The following MED12L variants were observed in gnomAD, a reference collection of about 807,000 sequenced individuals.
The protein encoded by MED12L is mediator complex subunit 12L.
In MED12L, 60 loss-of-function variants were observed where a neutral mutation model predicts 281.3. The ratio of observed to expected loss-of-function variants is 0.21; its 90% CI spans 0.17 to 0.26. The LOEUF (loss-of-function observed/expected upper bound fraction) is 0.26. Ranked by LOEUF, MED12L falls within the 10% of genes least tolerant of loss-of-function variation. The pLI, the probability that MED12L is intolerant of heterozygous loss-of-function variation, is 1.00. For missense variants in MED12L, 2,146 were observed against 2,680.9 expected, an observed-to-expected ratio of 0.80 and a Z score of 4.41; for synonymous variants, 974 against 987.2, an observed-to-expected ratio of 0.99 and a Z score of 0.25.
chr3:151,197,241 G>A (rs578146405), intron 16 of MED12L, among the ~76,000 whole-genome samples: 103 of 152,230 alleles, frequency 6.8e-4, no homozygotes, highest in Non-Finnish European at 1.1e-3. Flanking sequence ...TCAGCTCACT[G>A]CAACCTCTGC....
chr3:151,434,268 T>C lies in MED12L; in HGVS notation c.*1464T>C, dbSNP rs1166517250. ...GTACAACTTTAGTAGACATTTTCTT[T>C]TGCAAATCATTATCTATAAATAATT... is the stretch of plus-strand genomic sequence containing the variant. On this transcript the variant is annotated 3_prime_UTR_variant, in exon 45 of 45. Coordinates refer to ENST00000687756, the MANE Select transcript of MED12L (RefSeq NM_001393769.1). The C allele has an allele frequency of 6.6e-6, 1 of 152,228 alleles. No individual in the cohort carries two copies. The highest frequency in any genetic ancestry group is 2.4e-5 in the African/African-American group (1 of 41,458). 9.4% of individuals were successfully genotyped at this position (152,228 alleles called of 1,614,324 possible). A position where few individuals can be genotyped will look rare whatever the true frequency, so the allele number is the denominator to read the frequency against.
chr3:151,222,903 A>G (rs1044261383), intron 16 of MED12L, among the ~76,000 whole-genome samples: 2 of 152,246 alleles, frequency 1.3e-5, no homozygotes, highest in Non-Finnish European at 2.9e-5. Context: ...TCTTTGCCCA[A>G]GTTTATTCAT....
At chr3:151,332,567 T>C (rs888680488) in intron 16 of MED12L, among the ~76,000 whole-genome samples, 5 of 152,324 alleles carry the variant, frequency 3.3e-5, no homozygotes, top group Admixed American at 6.5e-5. Flanking sequence ...TTCACTGCTA[T>C]TTGGAACATT....
At chr3:151,170,862 G>T (rs933091621) in intron 11 of MED12L, among the ~76,000 whole-genome samples, 1 of 152,130 alleles carries the variant, frequency 6.6e-6, no homozygotes, top group Non-Finnish European at 1.5e-5. Flanking sequence ...GCCTGGAGGT[G>T]GTGGGGGTTG....
In MED12L at chr3:151,384,083, T is replaced by C. The variant is rs1484101893; in HGVS notation, c.4791T>C (p.Asn1597=). The change falls in exon 35 of 45, where the codon AAT becomes AAC. Residue 1597 remains asparagine, a splice_region_variant and synonymous_variant. Transcript: ENST00000687756. ...TGAAAATAATTATTTTCTTTCTTAG[T>C]GAATTATTCACAACAGTTCTTGACA... The part of the protein sequence containing the change: ...TSGTVDMHTN[N]ELFTTVLDML... 1 of 1,609,806 alleles carries C rather than the reference T, an allele frequency of 6.2e-7. No homozygotes were observed. Among genetic ancestry groups the C allele is most frequent in the African/African-American group, 1.3e-5 (1 of 74,784 alleles).
At chr3:151,313,256 A>C (rs1747789033) in intron 16 of MED12L, among the ~76,000 whole-genome samples, 1 of 152,184 alleles carries the variant, frequency 6.6e-6, no homozygotes, top group South Asian at 2.1e-4. Flanking sequence ...AAAACTACCA[A>C]GTTAAAATAG....
chr3:151,102,805 G>A (rs776242472), intron 2 of MED12L, among the ~76,000 whole-genome samples: 4 of 152,138 alleles, frequency 2.6e-5, no homozygotes, highest in Non-Finnish European at 4.4e-5. Flanking sequence ...AATACATTTG[G>A]TGGGGAATCA....
intron 16 of MED12L, among the ~76,000 whole-genome samples, chr3:151,331,514 A>G (rs763402733): frequency 2.9e-4 from 44 of 152,240 alleles, no homozygotes; most frequent in Non-Finnish European, 5.9e-4. Flanking sequence ...ACCAGTGCTT[A>G]GAATAATGTC....
At chr3:151,129,070 G>T (rs1714958125) in intron 5 of MED12L, among the ~76,000 whole-genome samples, 1 of 152,142 alleles carries the variant, frequency 6.6e-6, no homozygotes, top group Non-Finnish European at 1.5e-5. Flanking sequence ...TTAGAGATTG[G>T]GTTTATAAAT....
chr3:151,161,601 C>T (rs182004670), intron 8 of MED12L, among the ~76,000 whole-genome samples: 1 of 152,202 alleles, frequency 6.6e-6, no homozygotes, highest in Admixed American at 6.5e-5. Context: ...GTATGGATAG[C>T]ATTTATTATG....
chr3:151,374,051 G>A (rs998564309), intron 27 of MED12L, among the ~76,000 whole-genome samples: 1 of 152,034 alleles, frequency 6.6e-6, no homozygotes, highest in African/African-American at 2.4e-5. Context: ...ACCCCACAAA[G>A]TTGTTCTGTG....
At position 151,399,026 on chromosome 3, in the gene MED12L, C is replaced by G. The variant is rs145518697; in HGVS notation, c.5820+4159C>G. 3.0e-3 allele frequency among the ~76,000 whole-genome samples: 455 copies of G among 151,598 alleles called. 3 individuals carry two copies. The highest frequency in any genetic ancestry group is 0.011 in the African/African-American group (443 of 41,500). On this transcript the variant is annotated intron_variant, in intron 39 of 44. Transcript: ENST00000687756. ...GTAACTGAAACTGTGGGAAGTGAAA[C>G]CGCAGAGAAGTGGCGACTACTGAAA...
At chr3:151,166,016 T>C in intron 11 of MED12L, 34 bp downstream of exon 11, 1 of 1,560,812 alleles carries the variant, frequency 6.4e-7, no homozygotes, top group South Asian at 1.2e-5. Context: ...TTTCACCTTT[T>C]ATTTTCATAG....
rs763092923 is a variant in MED12L at position 151,369,418 on chromosome 3, G to A, written c.3551-18G>A. The A allele has an allele frequency of 9.1e-6, 14 of 1,531,378 alleles. No individual in the cohort carries two copies. In the South Asian group the frequency reaches 1.4e-4, roughly 15 times the overall value. 94.9% of individuals were successfully genotyped at this position (1,531,378 alleles called of 1,614,324 possible). A position where few individuals can be genotyped will look rare whatever the true frequency, so the allele number is the denominator to read the frequency against. On this transcript the variant is annotated intron_variant, in intron 25 of 44. Coordinates refer to ENST00000687756, the MANE Select transcript of MED12L (RefSeq NM_001393769.1). The stretch of plus-strand genomic sequence containing the variant: ...TAATGATGGTAATGAGACTATTAAA[G>A]ATTTGTTGTTTTTGTAGGCAAACCT...
intron 16 of MED12L, among the ~76,000 whole-genome samples, chr3:151,224,973 C>G (rs1266066444): frequency 6.6e-6 from 1 of 152,166 alleles, no homozygotes; most frequent in Non-Finnish European, 1.5e-5. Flanking sequence ...AAATAACTTA[C>G]AGCGTTTTAC....
At chr3:151,147,862 A>G (rs535445772) in intron 5 of MED12L, among the ~76,000 whole-genome samples, 1 of 152,172 alleles carries the variant, frequency 6.6e-6, no homozygotes, top group Non-Finnish European at 1.5e-5. Flanking sequence ...TTTCTCTTAG[A>G]TATACAGGCT....
chr3:151,101,732 G>T (rs929417744), intron 2 of MED12L, among the ~76,000 whole-genome samples: 1 of 152,134 alleles, frequency 6.6e-6, no homozygotes, highest in African/African-American at 2.4e-5. Flanking sequence ...GTGAGCTCAC[G>T]TGGTTTTGCT....
In MED12L at chr3:151,357,265, G is replaced by T; in HGVS notation, c.2714G>T (p.Ser905Ile). Reference sequence around the variant, plus strand: ...GCTGAACTGCTCCTAAAATCCTCCAGCCTGGCAGGAAGTTATACAACAGGA... The same window carrying T: ...GCTGAACTGCTCCTAAAATCCTCCATCCTGGCAGGAAGTTATACAACAGGA... The part of the protein sequence containing the change: ...VEAELLLKSS[S>I]LAGSYTTGLC... Residue 905 changes from serine (S) to isoleucine (I), a missense_variant, in exon 20 of 45, where the codon AGC becomes ATC. Ser to Ile is a moderately radical substitution (Grantham distance 142). This residue lies in a region of MED12L where 404 missense variants were observed against 603.5 expected (regional missense o/e 0.67). Transcript: ENST00000687756. The T allele has an allele frequency of 6.2e-7, 1 of 1,613,612 alleles. No homozygotes were observed. Among genetic ancestry groups the T allele is most frequent in the South Asian group, 1.1e-5 (1 of 91,032 alleles).
intron 43 of MED12L, among the ~76,000 whole-genome samples, chr3:151,421,742 A>G (rs747306251): frequency 3.3e-5 from 5 of 151,790 alleles, no homozygotes; most frequent in Non-Finnish European, 5.9e-5. Flanking sequence ...ATCTTTCGGT[A>G]TTTTTCTTTT....
Sources: gnomAD v4.1 joint callset for allele counts (sites outside exome capture counted in the v4.1 genomes callset) on GRCh38, gnomAD v4.1.1 for gene constraint, gnomAD v4.1.1 regional missense constraint, MANE v1.5 for transcripts, NCBI Gene and HGNC (gene_info 2026-07-23, HGNC 2026-07-21) for gene names.